Variants in SLC4A8 observed in about 807,000 individuals in gnomAD.
The protein encoded by SLC4A8 is solute carrier family 4 member 8, also known as electroneutral sodium bicarbonate exchanger 1.
SLC4A8 carries 40 observed loss-of-function variants against 125.0 expected under a neutral mutation model. The ratio of observed to expected loss-of-function variants is 0.32; its 90% CI spans 0.25 to 0.42. The LOEUF is 0.42. SLC4A8 is among the 10% of genes least tolerant of loss of function. The pLI is 1.00. For missense variants in SLC4A8, 863 were observed against 1,355.1 expected, an observed-to-expected ratio of 0.64 and a Z score of 5.70; for synonymous variants, 456 against 476.0, an observed-to-expected ratio of 0.96 and a Z score of 0.55.
chr12:51,474,317 G>A, intron 14 of SLC4A8, 25 bp from the exon 15 acceptor site: 1 of 1,461,766 alleles, frequency 6.8e-7, no homozygotes, highest in Non-Finnish European at 9.5e-7. Flanking sequence ...TTTTCCTCAG[G>A]AATCTTTTTA....
intron 1 of SLC4A8, among the ~76,000 whole-genome samples, chr12:51,402,551 G>A (rs909376995): frequency 1.3e-5 from 2 of 152,016 alleles, no homozygotes; most frequent in Non-Finnish European, 1.5e-5. Context: ...GTGAAACCCC[G>A]TCCCTACTAA....
rs1938426682 is a variant in SLC4A8 at position 51,513,293 on chromosome 12, T to A, written c.*5855T>A. 1 of 152,236 alleles carries A rather than the reference T, an allele frequency of 6.6e-6. No individual in the cohort carries two copies. The highest frequency in any genetic ancestry group is 1.9e-4 in the East Asian group (1 of 5,194). 9.4% of individuals were successfully genotyped at this position (152,236 alleles called of 1,614,324 possible). A position where few individuals can be genotyped will look rare whatever the true frequency, so the allele number is the denominator to read the frequency against. ...TGACTTCCAACTTCTGAAGACAGGA[T>A]TGCCAAGAGATGTGATCTTTCCACA... On this transcript the variant is annotated 3_prime_UTR_variant, in exon 25 of 25. Coordinates refer to ENST00000453097, the MANE Select transcript of SLC4A8 (RefSeq NM_001039960.3).
intron 1 of SLC4A8, chr12:51,403,025 C>T (rs1323117913): frequency 8.4e-6 from 3 of 355,264 alleles, no homozygotes; most frequent in African/African-American, 2.1e-5. Flanking sequence ...GCTGGCAGTT[C>T]TGTAGTCATG....
At chr12:51,391,846 C>A (rs1300923773) in intron 1 of SLC4A8, 1 of 152,350 alleles carries the variant, frequency 6.6e-6, no homozygotes, top group Non-Finnish European at 1.5e-5. Context: ...CCCGGGGGTG[C>A]GGTCTTTGCG....
In SLC4A8 at chr12:51,507,450, G is replaced by T; in HGVS notation, c.*12G>T. On this transcript the variant is annotated 3_prime_UTR_variant, in exon 25 of 25. Transcript: ENST00000453097. ...GTCTCTTCAACTAAGAGTCTTTGCTGGGATGGAAGATTTGGGCCGTGTGGT... is the reference window on the plus strand; with the variant it reads ...GTCTCTTCAACTAAGAGTCTTTGCTTGGATGGAAGATTTGGGCCGTGTGGT... 1 of 1,391,400 alleles carries T rather than the reference G, an allele frequency of 7.2e-7. No homozygotes were observed. The highest frequency in any genetic ancestry group is 2.7e-5 in the Admixed American group (1 of 37,206). The allele number at this position is 1,391,400 out of a possible 1,614,324, so 86.2% of individuals were successfully genotyped here. A position where few individuals can be genotyped will look rare whatever the true frequency, so the allele number is the denominator to read the frequency against.
intron 16 of SLC4A8, among the ~76,000 whole-genome samples, chr12:51,476,588 A>T (rs1950861167): frequency 6.6e-6 from 1 of 152,214 alleles, no homozygotes; most frequent in Admixed American, 6.5e-5. Context: ...AGATAGTTTT[A>T]ATAAATGTTT....
At chr12:51,464,530 T>G (rs545886417) in intron 11 of SLC4A8, among the ~76,000 whole-genome samples, 164 of 152,182 alleles carry the variant, frequency 1.1e-3, no homozygotes, top group African/African-American at 3.7e-3. Flanking sequence ...GGTCAGAAGG[T>G]GGTAAACGAG....
At chr12:51,426,610 G>T (rs1018595776) in intron 1 of SLC4A8, among the ~76,000 whole-genome samples, 1 of 152,068 alleles carries the variant, frequency 6.6e-6, no homozygotes, top group Non-Finnish European at 1.5e-5. Flanking sequence ...GGGATCACAG[G>T]GCCTGAGAGG....
intron 5 of SLC4A8, 77 bp downstream of exon 5, chr12:51,453,776 CAG>C: frequency 7.4e-7 from 1 of 1,356,728 alleles, no homozygotes; most frequent in Non-Finnish European, 1.0e-6. Flanking sequence ...TGTGGCGTGA[CAG>C]AAAGAATACA....
chr12:51,506,056 C>T (rs1000162985), intron 24 of SLC4A8, 126 bp downstream of exon 24: 21 of 597,466 alleles, frequency 3.5e-5, no homozygotes, highest in East Asian at 1.1e-4. Flanking sequence ...CAGGAACTGC[C>T]GCTAACCACA....
intron 22 of SLC4A8, among the ~76,000 whole-genome samples, chr12:51,500,362 A>AT (rs1937800618): frequency 6.6e-6 from 1 of 152,154 alleles, no homozygotes; most frequent in African/African-American, 2.4e-5. Flanking sequence ...GCCAACATTC[A>AT]TGTTCATTTC....
In SLC4A8 at chr12:51,505,895, T is replaced by C. The variant is rs777240116; in HGVS notation, c.3234T>C (p.Ala1078=). Residue 1078 remains alanine, a synonymous_variant, in exon 24 of 25, where the codon GCT becomes GCC. Transcript: ENST00000453097. ...DEMPKTTVWK[A]LSMNSGNAKE... is the part of the protein sequence containing the mutation. ...TGCCTAAAACTACAGTTTGGAAAGC[T>C]CTCAGTATGAATTCTGGAAATGCAA... 379 of 1,583,062 alleles carry C rather than the reference T, an allele frequency of 2.4e-4. 1 individual carries two copies. The highest frequency in any genetic ancestry group is 1.5e-5 in the Non-Finnish European group (17 of 1,154,124).
At position 51,474,460 on chromosome 12, in the gene SLC4A8, G is replaced by A. The variant is rs1413005245; in HGVS notation, c.2010+13G>A. The A allele has an allele frequency of 1.2e-6, 2 of 1,611,306 alleles. No homozygotes were observed. Among genetic ancestry groups the A allele is most frequent in the East Asian group, 4.5e-5 (2 of 44,800 alleles). ...CCTGACTGTCAGTGTAAGTCTGGGA[G>A]CTGCCAGATGTCCTAGCATTGTGAC... On this transcript the variant is annotated intron_variant, in intron 15 of 24. Transcript: ENST00000453097.
Position 51,512,690 on chromosome 12 carries a change from G to T in SLC4A8, c.*5252G>T, listed in dbSNP as rs1938407392. On this transcript the variant is annotated 3_prime_UTR_variant, in exon 25 of 25. Coordinates refer to ENST00000453097, the MANE Select transcript of SLC4A8 (RefSeq NM_001039960.3). ...GTGTGCATTTGCATGTGTGTATGTT[G>T]ACAAATGAGAGTGTAGCCATAAGAT... 2 of 152,108 alleles carry T rather than the reference G, an allele frequency of 1.3e-5. No homozygotes were observed. The highest frequency in any genetic ancestry group is 1.3e-4 in the Admixed American group (2 of 15,254). The allele number at this position is 152,108 out of a possible 1,614,324, so 9.4% of individuals were successfully genotyped here.
intron 14 of SLC4A8, among the ~76,000 whole-genome samples, chr12:51,474,121 T>C (rs2138322963): frequency 6.6e-6 from 1 of 152,340 alleles, no homozygotes; most frequent in Non-Finnish European, 1.5e-5. Context: ...CAGCACAGTT[T>C]AATCCAAGAC....
chr12:51,402,275 G>C (rs11832476), intron 1 of SLC4A8, among the ~76,000 whole-genome samples: 4,063 of 152,230 alleles, frequency 0.027, 185 homozygotes, highest in African/African-American at 0.091. Context: ...AACCATTCCA[G>C]GTTTGCCAAA....
chr12:51,467,680 T>TA (rs570012553), intron 11 of SLC4A8, among the ~76,000 whole-genome samples: 4 of 151,740 alleles, frequency 2.6e-5, no homozygotes, highest in Admixed American at 6.6e-5. Context: ...TTCAAACATA[T>TA]AAAAAAAAGG....
chr12:51,394,899 T>C (rs538734128), intron 1 of SLC4A8, among the ~76,000 whole-genome samples: 3 of 152,170 alleles, frequency 2.0e-5, no homozygotes, highest in South Asian at 2.1e-4. Context: ...TGTGTTGGCA[T>C]GTGCCTGTGG....
chr12:51,418,944 GT>G (rs1327632939), intron 1 of SLC4A8, among the ~76,000 whole-genome samples: 1 of 152,168 alleles, frequency 6.6e-6, no homozygotes, highest in Non-Finnish European at 1.5e-5. Context: ...CGGAAATTAT[GT>G]GAAAACTCCC....
Sources: gnomAD v4.1 joint callset for allele counts (sites outside exome capture counted in the v4.1 genomes callset) on GRCh38, gnomAD v4.1.1 for gene constraint, MANE v1.5 for transcripts, NCBI Gene and HGNC (gene_info 2026-07-23, HGNC 2026-07-21) for gene names.